Variants in PTPRQ observed in about 807,000 individuals in gnomAD.
PTPRQ encodes protein tyrosine phosphatase receptor type Q, also known as phosphatidylinositol phosphatase PTPRQ.
In PTPRQ, 199 loss-of-function variants were observed where a neutral mutation model predicts 246.0. That is an observed-to-expected ratio of 0.81 (90% CI 0.72 to 0.91). The LOEUF (loss-of-function observed/expected upper bound fraction) is 0.91, where lower values mean the gene tolerates loss of function less well. Ranked by LOEUF, PTPRQ falls within the 40% of genes least tolerant of loss-of-function variation. The pLI, the probability that PTPRQ is intolerant of heterozygous loss-of-function variation, is 0.00. For synonymous variants in PTPRQ, 869 were observed against 853.2 expected (o/e 1.02, Z -0.32); for missense variants, 2,624 against 2,528.4 (o/e 1.04, Z -0.81).
At chr12:80,468,536 T>G (rs1893516453) in intron 6 of PTPRQ, among the ~76,000 whole-genome samples, 174 bp from the exon 7 acceptor site, 1 of 152,226 alleles carries the variant, frequency 6.6e-6, no homozygotes, top group Non-Finnish European at 1.5e-5. Flanking sequence ...CAGCATGTGT[T>G]ATTCACAATT....
chr12:80,549,327 A>T, intron 24 of PTPRQ, 138 bp from the exon 25 acceptor site: 1 of 1,085,944 alleles, frequency 9.2e-7, no homozygotes, highest in Non-Finnish European at 1.3e-6. Flanking sequence ...ATGACTTTTT[A>T]AGCACACATT....
chr12:80,620,408 G>C (rs2121132240), intron 32 of PTPRQ, 32 bp downstream of exon 32: 2 of 1,544,132 alleles, frequency 1.3e-6, no homozygotes, highest in African/African-American at 1.4e-5. Context: ...CATGCATTCT[G>C]TTAGCAAGCT....
intron 25 of PTPRQ, among the ~76,000 whole-genome samples, chr12:80,554,409 G>A (rs1322908354): frequency 6.6e-6 from 1 of 152,058 alleles, no homozygotes; most frequent in Non-Finnish European, 1.5e-5. Context: ...AATAAATGTT[G>A]GGATTTAATA....
At chr12:80,466,081 C>T (rs139868177) in intron 6 of PTPRQ, among the ~76,000 whole-genome samples, 13,763 of 152,068 alleles carry the variant, frequency 0.091, 2,092 homozygotes, top group African/African-American at 0.31. Context: ...TGTTTGCAGA[C>T]GACATGATTG....
At chr12:80,583,274 C>G (rs919728898) in intron 25 of PTPRQ, among the ~76,000 whole-genome samples, 2 of 152,168 alleles carry the variant, frequency 1.3e-5, no homozygotes, top group African/African-American at 4.8e-5. Flanking sequence ...GAGAGAAAAT[C>G]TGTTATGTAC....
At position 80,472,103 on chromosome 12, in the gene PTPRQ, AG is replaced by A; in HGVS notation, c.1040del. Reference sequence around the variant, plus strand: ...TCCATAGCTATCTTCCACTTTTTGCAGGTCGCATTTTGGATAACAGCACAAA... The same window carrying A: ...TCCATAGCTATCTTCCACTTTTTGCAGTCGCATTTTGGATAACAGCACAAA... On this transcript the variant is annotated splice_acceptor_variant, in intron 7 of 44. Transcript: ENST00000644991. LOFTEE classifies it high-confidence loss of function. The A allele has an allele frequency of 6.5e-7, 1 of 1,550,058 alleles. No individual in the cohort carries two copies. Among genetic ancestry groups the A allele is most frequent in the Non-Finnish European group, 8.7e-7 (1 of 1,146,542 alleles).
At chr12:80,480,877 A>G (rs908614999) in intron 8 of PTPRQ, among the ~76,000 whole-genome samples, 8 of 152,230 alleles carry the variant, frequency 5.3e-5, no homozygotes, top group Non-Finnish European at 1.2e-4. Flanking sequence ...TTGTGGCAAT[A>G]AGCAATAGCT....
At chr12:80,629,515 A>G (rs1025894094) in intron 33 of PTPRQ, among the ~76,000 whole-genome samples, 5 of 152,150 alleles carry the variant, frequency 3.3e-5, no homozygotes, top group Non-Finnish European at 7.4e-5. Context: ...GCCTTGTGTT[A>G]TTCATCAATA....
rs576117915 is a variant in PTPRQ at position 80,630,586 on chromosome 12, C to T, written c.5687-1606C>T. Among the ~76,000 whole-genome samples, 7 of 152,236 alleles carry T rather than the reference C, an allele frequency of 4.6e-5. No individual in the cohort carries two copies. In the South Asian group the frequency reaches 6.2e-4, roughly 14 times the overall value. On this transcript the variant is annotated intron_variant, in intron 33 of 44. Coordinates refer to ENST00000644991, the MANE Select transcript of PTPRQ (RefSeq NM_001145026.2). Reference sequence around the variant, plus strand: ...GTTGGTTTTGACCACTTATAACAAGCGTATAATCTATACAGCGATATTTTG... The same window carrying T: ...GTTGGTTTTGACCACTTATAACAAGTGTATAATCTATACAGCGATATTTTG...
rs538888949 is a variant in PTPRQ at position 80,610,630 on chromosome 12, G to A, written c.4918+5G>A. The A allele has an allele frequency of 6.5e-6, 10 of 1,540,582 alleles. No individual in the cohort carries two copies. In the African/African-American group the frequency reaches 1.1e-4, roughly 17 times the overall value. On this transcript the variant is annotated splice_donor_5th_base_variant and intron_variant, in intron 28 of 44. Coordinates refer to ENST00000644991, the MANE Select transcript of PTPRQ (RefSeq NM_001145026.2). The stretch of plus-strand genomic sequence containing the variant: ...TTGTTACTACTTTAGAATCAGGTAA[G>A]GAGAATTTCTCAACCTTGCTAAAAA...
Position 80,616,227 on chromosome 12 carries a change from G to T in PTPRQ, c.5191G>T (p.Gly1731Cys). 2.0e-6 allele frequency: 3 copies of T among 1,492,032 alleles called. No individual in the cohort carries two copies. Among genetic ancestry groups the T allele is most frequent in the Non-Finnish European group, 2.7e-6 (3 of 1,118,718 alleles). The allele number at this position is 1,492,032 out of a possible 1,614,324, so 92.4% of individuals were successfully genotyped here. Residue 1731 changes from glycine to cysteine, a missense_variant, in exon 30 of 45, where the codon GGT becomes TGT. By Grantham distance (159) the Gly-to-Cys change is radical. Transcript: ENST00000644991. ...TTACGCAGTCAATAGTGCTGGTGCA[G>T]GTCCAAAGGTTCCGATGAGAATAAC... is the stretch of plus-strand genomic sequence containing the variant. Reference protein sequence around the residue: ...SVYAVNSAGAGPKVPMRITMD... With the variant: ...SVYAVNSAGACPKVPMRITMD...
intron 25 of PTPRQ, among the ~76,000 whole-genome samples, chr12:80,573,530 A>G (rs772829039): frequency 6.6e-6 from 1 of 152,154 alleles, no homozygotes; most frequent in Non-Finnish European, 1.5e-5. Flanking sequence ...ATACATGTAC[A>G]GAATGTGCAG....
In PTPRQ at chr12:80,455,510, C is replaced by A. The variant is rs537827915; in HGVS notation, c.391-2065C>A. 1.4e-4 allele frequency among the ~76,000 whole-genome samples: 22 copies of A among 152,110 alleles called. No individual in the cohort carries two copies. In the South Asian group the frequency reaches 3.9e-3, roughly 27 times the overall value. On this transcript the variant is annotated intron_variant, in intron 3 of 44. Transcript: ENST00000644991. The stretch of plus-strand genomic sequence containing the variant: ...CCACTTTTGCTAAGAATCGTGAACT[C>A]AATGTAATTACTTTCAACAAATATT...
intron 41 of PTPRQ, among the ~76,000 whole-genome samples, 176 bp from the exon 42 acceptor site, chr12:80,670,168 A>G (rs1488938914): frequency 1.3e-5 from 2 of 152,142 alleles, no homozygotes; most frequent in Non-Finnish European, 2.9e-5. Context: ...TTGAAAGGCA[A>G]TTCTCTTTAT....
intron 22 of PTPRQ, 37 bp downstream of exon 22, chr12:80,542,401 T>C: frequency 6.6e-7 from 1 of 1,512,792 alleles, no homozygotes; most frequent in South Asian, 1.3e-5. Flanking sequence ...ACAATTTCAC[T>C]GTTGCAGCGC....
At chr12:80,534,837 C>G (rs1277617352) in intron 18 of PTPRQ, 55 bp from the exon 19 acceptor site, 53 of 1,499,212 alleles carry the variant, frequency 3.5e-5, no homozygotes, top group Non-Finnish European at 4.7e-5. Context: ...CAGGCCATTT[C>G]AGACATTACT....
intron 8 of PTPRQ, among the ~76,000 whole-genome samples, chr12:80,477,822 G>T (rs972065011): frequency 6.6e-6 from 1 of 152,166 alleles, no homozygotes; most frequent in Admixed American, 6.5e-5. Flanking sequence ...CTTTTCTGAC[G>T]GGCTTAAAAA....
At chr12:80,491,951 G>C (rs1894461936) in intron 9 of PTPRQ, among the ~76,000 whole-genome samples, 1 of 151,774 alleles carries the variant, frequency 6.6e-6, no homozygotes, top group Non-Finnish European at 1.5e-5. Context: ...GAGGGTAAAA[G>C]AGCATGGAAT....
intron 25 of PTPRQ, among the ~76,000 whole-genome samples, chr12:80,557,624 C>A (rs1274061562): frequency 6.6e-6 from 1 of 151,986 alleles, no homozygotes; most frequent in African/African-American, 2.4e-5. Context: ...AAAGGCATGT[C>A]TTGATGAATG....
Sources: gnomAD v4.1 joint callset for allele counts (sites outside exome capture counted in the v4.1 genomes callset) on GRCh38, gnomAD v4.1.1 for gene constraint, MANE v1.5 for transcripts, NCBI Gene and HGNC (gene_info 2026-07-23, HGNC 2026-07-21) for gene names.